Variants in TAF4 observed in about 807,000 individuals in gnomAD.
TAF4 encodes the protein transcription initiation factor TFIID subunit 4.
A neutral mutation model predicts 90.3 loss-of-function variants in TAF4; 9 were observed. The ratio of observed to expected loss-of-function variants is 0.10; its 90% CI spans 0.06 to 0.17. The LOEUF (loss-of-function observed/expected upper bound fraction) is 0.17. Among genes scored for constraint, TAF4 ranks in the 10% least tolerant of loss-of-function variants. The pLI, the probability that TAF4 is intolerant of heterozygous loss-of-function variation, is 1.00. For synonymous variants in TAF4, 818 were observed against 638.9 expected (o/e 1.28, Z -4.23); for missense variants, 1,351 against 1,370.7 (o/e 0.99, Z 0.23).
chr20:61,977,638 C>G (rs1387018583), intron 14 of TAF4, among the ~76,000 whole-genome samples: 2 of 152,188 alleles, frequency 1.3e-5, no homozygotes, highest in Non-Finnish European at 2.9e-5. Context: ...GATGAGGGCA[C>G]CTGTCTCCGT....
At position 62,010,030 on chromosome 20, in the gene TAF4, A is replaced by C; in HGVS notation, c.1761+16T>G. ...GCCTGACCGTCTTTGAAGGCACGGA[A>C]AGGAGTGGCTCTTACCGTGGCAGCT... On this transcript the variant is annotated intron_variant, in intron 4 of 14. Coordinates refer to ENST00000252996, the MANE Select transcript of TAF4 (RefSeq NM_003185.4). The surrounding 1 kb of genome is among the most constrained non-coding windows in gnomAD (Gnocchi z 4.5). The C allele has an allele frequency of 6.2e-7, 1 of 1,612,686 alleles. No homozygotes were observed. The highest frequency in any genetic ancestry group is 8.5e-7 in the Non-Finnish European group (1 of 1,179,878).
Position 62,064,715 on chromosome 20 carries a change from G to A in TAF4, c.1096C>T (p.Pro366Ser), listed in dbSNP as rs1284361904. 2 of 1,231,766 alleles carry A rather than the reference G, an allele frequency of 1.6e-6. No individual in the cohort carries two copies. Among genetic ancestry groups the A allele is most frequent in the Admixed American group, 8.2e-5 (2 of 24,370 alleles). The allele number at this position is 1,231,766 out of a possible 1,614,324, so 76.3% of individuals were successfully genotyped here. A position where few individuals can be genotyped will look rare whatever the true frequency, so the allele number is the denominator to read the frequency against. ...ACCATGCTGGCCGCCGTGCTGGCCG[G>A]GCCGCTGGCCGCCAGGGTCTGCGCC... ...PAAQTLAASGPASTAASMVIG... is the reference protein window; with the variant it reads ...PAAQTLAASGSASTAASMVIG... The change falls in exon 1 of 15, where the codon CCG becomes TCG. Residue 366 changes from proline to serine, a missense_variant. Pro to Ser is a moderately conservative substitution (Grantham distance 74). Transcript: ENST00000252996.
At chr20:62,045,000 G>A (rs1441069414) in intron 1 of TAF4, among the ~76,000 whole-genome samples, 1 of 152,208 alleles carries the variant, frequency 6.6e-6, no homozygotes, top group East Asian at 1.9e-4. Flanking sequence ...TCAGCCCAGG[G>A]GGAGAAAAGA....
chr20:61,994,147 C>CA (rs564773299), intron 14 of TAF4, among the ~76,000 whole-genome samples: 1 of 151,774 alleles, frequency 6.6e-6, no homozygotes, highest in African/African-American at 2.4e-5. Context: ...ACCTCCCCCA[C>CA]AAAAAAGTAA....
In TAF4 at chr20:62,065,733, C is replaced by T. The variant is rs764632731; in HGVS notation, c.78G>A (p.Val26=). ...EVDEKVVSDL[V]GSLESQLAAS... is the part of the protein sequence containing the mutation. ...CCGCCAGCTGCGACTCCAGCGAGCC[C>T]ACCAGGTCGCTCACCACTTTCTCGT... The change falls in exon 1 of 15, where the codon GTG becomes GTA. Residue 26 remains valine, a synonymous_variant. Coordinates refer to ENST00000252996, the MANE Select transcript of TAF4 (RefSeq NM_003185.4). 4.5e-5 allele frequency: 60 copies of T among 1,335,530 alleles called. No homozygotes were observed. The highest frequency in any genetic ancestry group is 5.6e-5 in the Non-Finnish European group (57 of 1,025,826). The allele number at this position is 1,335,530 out of a possible 1,614,324, so 82.7% of individuals were successfully genotyped here. A position where few individuals can be genotyped will look rare whatever the true frequency, so the allele number is the denominator to read the frequency against.
chr20:61,999,192 G>A (rs999713944), intron 11 of TAF4, 84 bp from the exon 12 acceptor site: 25 of 1,522,662 alleles, frequency 1.6e-5, no homozygotes, highest in South Asian at 7.3e-5. Context: ...TGGACCATCC[G>A]TGCACAACGC....
chr20:61,998,062 C>T (rs1207056998), intron 13 of TAF4, 74 bp downstream of exon 13: 1 of 1,441,786 alleles, frequency 6.9e-7, no homozygotes. Flanking sequence ...CCACGGTTTC[C>T]TTAGCCCCCC....
chr20:61,979,975 C>A (rs1005305127), intron 14 of TAF4, among the ~76,000 whole-genome samples: 4 of 152,258 alleles, frequency 2.6e-5, no homozygotes, highest in African/African-American at 9.6e-5. Flanking sequence ...CCGGCACCAA[C>A]ATGGAGCCCT....
At chr20:62,014,020 GTGTGTGTGTGTGTGTGTGTGTGTGTA>G (rs1247488639) in intron 2 of TAF4, among the ~76,000 whole-genome samples, 4 of 78,460 alleles carry the variant, frequency 5.1e-5, no homozygotes, top group Non-Finnish European at 7.7e-5. Context: ...GGGGGTGTGG[GTGTGTGTGTGTGTGTGTGTGTGTGTA>G]TGTGTGTGTG....
At chr20:62,001,611 G>C (rs557005147) in intron 9 of TAF4, among the ~76,000 whole-genome samples, 2 of 152,282 alleles carry the variant, frequency 1.3e-5, no homozygotes, top group Non-Finnish European at 2.9e-5. Context: ...CTCTACAGCA[G>C]TTCTCATGCC....
chr20:62,018,388 C>A (rs1317777262), intron 1 of TAF4, among the ~76,000 whole-genome samples: 1 of 152,248 alleles, frequency 6.6e-6, no homozygotes, highest in Non-Finnish European at 1.5e-5. Context: ...GACAAATAAT[C>A]CAGCAGCATC....
At chr20:61,991,199 A>C (rs2055629268) in intron 14 of TAF4, among the ~76,000 whole-genome samples, 2 of 152,116 alleles carry the variant, frequency 1.3e-5, no homozygotes, top group South Asian at 4.1e-4. Flanking sequence ...CGGGCAAATC[A>C]CTTGAGGTCT....
At chr20:62,031,745 C>T (rs188094186) in intron 1 of TAF4, among the ~76,000 whole-genome samples, 1 of 152,288 alleles carries the variant, frequency 6.6e-6, no homozygotes, top group African/African-American at 2.4e-5. Context: ...CTAGAGTAAG[C>T]ACATGTGTCA....
rs556334238 is a variant in TAF4, at chr20:62,012,693, C to T, written c.1641+122G>A. ...TTTCTTCACAGAGAACCTTCCTCCCCAGATTTGACGTAGTATCCAGTTTAA... is the reference window on the plus strand; with the variant it reads ...TTTCTTCACAGAGAACCTTCCTCCCTAGATTTGACGTAGTATCCAGTTTAA... On this transcript the variant is annotated intron_variant, in intron 3 of 14. Coordinates refer to ENST00000252996, the MANE Select transcript of TAF4 (RefSeq NM_003185.4). The T allele has an allele frequency of 2.3e-6, 3 of 1,298,442 alleles. No individual in the cohort carries two copies. The African/African-American group carries it at 4.6e-5, about 20-fold the overall frequency. 80.4% of individuals were successfully genotyped at this position (1,298,442 alleles called of 1,614,324 possible). A position where few individuals can be genotyped will look rare whatever the true frequency, so the allele number is the denominator to read the frequency against.
chr20:62,043,250 T>C (rs2055974179), intron 1 of TAF4, among the ~76,000 whole-genome samples: 4 of 151,974 alleles, frequency 2.6e-5, no homozygotes, highest in Admixed American at 2.0e-4. Flanking sequence ...GCCCAGGAGG[T>C]CAAGGCTGCA....
chr20:61,997,753 GT>G, intron 13 of TAF4, 84 bp from the exon 14 acceptor site: 1 of 1,411,954 alleles, frequency 7.1e-7, no homozygotes, highest in Non-Finnish European at 9.4e-7. Flanking sequence ...ATATGAAAGG[GT>G]TTTCTGTAGT....
At chr20:61,996,567 G>A (rs374293609) in intron 14 of TAF4, among the ~76,000 whole-genome samples, 3 of 152,040 alleles carry the variant, frequency 2.0e-5, no homozygotes, top group Admixed American at 6.5e-5. Flanking sequence ...TTGGGAGGCC[G>A]AGGTGGGCAG....
chr20:61,994,502 T>C (rs2055651605), intron 14 of TAF4, among the ~76,000 whole-genome samples: 1 of 152,262 alleles, frequency 6.6e-6, no homozygotes, highest in Non-Finnish European at 1.5e-5. Flanking sequence ...TAACCTGTAC[T>C]GTCCCAGGAG....
chr20:62,065,863 C>T lies in TAF4; in HGVS notation c.-53G>A, dbSNP rs2145533611. On this transcript the variant is annotated 5_prime_UTR_variant, in exon 1 of 15. Transcript: ENST00000252996. ...GCCGCTCGGGCCGAGCGCGCCTGGG[C>T]GAGGAGGAGGTTCCGACTGGGGCGG... 2 of 1,185,048 alleles carry T rather than the reference C, an allele frequency of 1.7e-6. No individual in the cohort carries two copies. Among genetic ancestry groups the T allele is most frequent in the East Asian group, 1.5e-4 (2 of 13,052 alleles). 73.4% of individuals were successfully genotyped at this position (1,185,048 alleles called of 1,614,324 possible). A position where few individuals can be genotyped will look rare whatever the true frequency, so the allele number is the denominator to read the frequency against.
Sources: allele counts gnomAD v4.1 joint callset (sites outside exome capture counted in the v4.1 genomes callset), GRCh38; gene constraint gnomAD v4.1.1; non-coding constraint Gnocchi (gnomAD v3.1); transcripts MANE v1.5; gene names NCBI Gene and HGNC (gene_info 2026-07-23, HGNC 2026-07-21).